TBC1D24: variants seen among roughly 807,000 people sequenced by gnomAD.
TBC1D24 encodes Infantile myoclonic epilepsy.
In TBC1D24, 47 loss-of-function variants were observed where a neutral mutation model predicts 50.7. That is an observed-to-expected ratio of 0.93 (90% CI 0.73 to 1.18). The LOEUF (loss-of-function observed/expected upper bound fraction) is 1.18, where lower values mean the gene tolerates loss of function less well. Among genes scored for constraint, TBC1D24 ranks in the 50% most tolerant of loss-of-function variants. The probability of loss-of-function intolerance (pLI) is 0.00; values close to 1 mark genes in which losing one functional copy is unlikely to be tolerated. For missense variants in TBC1D24, 688 were observed against 766.5 expected (o/e 0.90, Z 1.21); for synonymous variants, 324 against 335.2 (o/e 0.97, Z 0.36).
At chr16:2,476,302 G>A (rs935615588) in intron 1 of TBC1D24, among the ~76,000 whole-genome samples, 1 of 152,198 alleles carries the variant, frequency 6.6e-6, no homozygotes, top group Non-Finnish European at 1.5e-5. Context: ...TCCGCCCGAG[G>A]GCCAGGGCTC....
intron 1 of TBC1D24, among the ~76,000 whole-genome samples, chr16:2,489,465 C>T (rs896060244): frequency 6.6e-6 from 1 of 152,098 alleles, no homozygotes; most frequent in African/African-American, 2.4e-5. Context: ...AATAAATAAA[C>T]GAGCGAACAA....
At chr16:2,498,210 G>T in intron 3 of TBC1D24, 28 bp from the exon 4 acceptor site, 1 of 1,578,854 alleles carries the variant, frequency 6.3e-7, no homozygotes, top group Non-Finnish European at 8.6e-7. Context: ...CGTGCCTTCG[G>T]GCTCTGACCC....
In TBC1D24 at chr16:2,501,065, G is replaced by T; in HGVS notation, c.*107G>T. 2 of 1,463,412 alleles carry T rather than the reference G, an allele frequency of 1.4e-6. No individual in the cohort carries two copies. The highest frequency in any genetic ancestry group is 1.9e-6 in the Non-Finnish European group (2 of 1,077,872). 90.7% of individuals were successfully genotyped at this position (1,463,412 alleles called of 1,614,324 possible). On this transcript the variant is annotated 3_prime_UTR_variant, in exon 8 of 8. Transcript: ENST00000646147. ...AAACCCCCATGTGGTAGGCAGGGTTGGGGGACGGCAGGACCCCATGGCCAA... is the reference window on the plus strand; with the variant it reads ...AAACCCCCATGTGGTAGGCAGGGTTTGGGGACGGCAGGACCCCATGGCCAA...
At chr16:2,498,161 C>T in intron 3 of TBC1D24, 77 bp from the exon 4 acceptor site, 4 of 1,524,864 alleles carry the variant, frequency 2.6e-6, no homozygotes, top group Non-Finnish European at 3.5e-6. Flanking sequence ...TCCAAAGAGG[C>T]TCTGGGGCAT....
In TBC1D24 at chr16:2,498,293, G is replaced by A. The variant is rs371031447; in HGVS notation, c.1039G>A (p.Val347Met). Residue 347 changes from valine (V) to methionine (M), a missense_variant, in exon 4 of 8, where the codon GTG becomes ATG. By Grantham distance (21) the Val-to-Met change is conservative (BLOSUM62 1). Transcript: ENST00000646147. Reference sequence around the variant, plus strand: ...GAACTTCCGCTCGGAGATCGTCAGCGTGAGGGAGATGAGAGACATCTGGTC... The same window carrying A: ...GAACTTCCGCTCGGAGATCGTCAGCATGAGGGAGATGAGAGACATCTGGTC... ...AENFRSEIVS[V>M]REMRDIWSWV... 3.4e-5 allele frequency: 54 copies of A among 1,611,640 alleles called. No individual in the cohort carries two copies. Among genetic ancestry groups the A allele is most frequent in the African/African-American group, 9.3e-5 (7 of 74,902 alleles).
At chr16:2,488,904 CAA>C (rs1272998413) in intron 1 of TBC1D24, among the ~76,000 whole-genome samples, 6 of 97,644 alleles carry the variant, frequency 6.1e-5, no homozygotes, top group African/African-American at 1.1e-4. Flanking sequence ...ACTAAAAATA[CAA>C]AAAAAAAAAA....
Position 2,500,687 on chromosome 16 carries a change from C to G in TBC1D24, c.1526-117C>G. The G allele has an allele frequency of 1.4e-6, 2 of 1,418,590 alleles. No homozygotes were observed. The highest frequency in any genetic ancestry group is 2.7e-5 in the South Asian group (2 of 73,832). The allele number at this position is 1,418,590 out of a possible 1,614,324, so 87.9% of individuals were successfully genotyped here. ...GGTCCTGGGGGCTATGGAGGGTCAA[C>G]GGTCTGTGCGGTTTCAGAGAGGCCC... On this transcript the variant is annotated intron_variant, in intron 7 of 7. Transcript: ENST00000646147. This position sits in a 1 kb window ranked among gnomAD's most constrained non-coding sequence, Gnocchi z 8.0.
At chr16:2,476,368 A>G (rs974086649) in intron 1 of TBC1D24, among the ~76,000 whole-genome samples, 4 of 152,272 alleles carry the variant, frequency 2.6e-5, no homozygotes, top group African/African-American at 9.6e-5. Context: ...GGCGAAGACA[A>G]GCAGTCAGGT....
chr16:2,484,090 G>T (rs1330211927), intron 1 of TBC1D24: 2 of 152,146 alleles, frequency 1.3e-5, no homozygotes, highest in Non-Finnish European at 2.9e-5. Flanking sequence ...GAGGACCAGG[G>T]GGTGGCCACC....
At chr16:2,497,300 A>T (rs761088539) in intron 2 of TBC1D24, among the ~76,000 whole-genome samples, 187 bp downstream of exon 2, 15 of 152,248 alleles carry the variant, frequency 9.9e-5, no homozygotes, top group Admixed American at 2.6e-4. Context: ...GACGAGGGAC[A>T]TCGGGTCCTA....
chr16:2,490,573 G>A (rs1567408458), intron 1 of TBC1D24, among the ~76,000 whole-genome samples: 1 of 152,188 alleles, frequency 6.6e-6, no homozygotes, highest in South Asian at 2.1e-4. Flanking sequence ...TGTTCATGGG[G>A]TGTCACCCTT....
At chr16:2,489,534 C>T (rs1440788780) in intron 1 of TBC1D24, among the ~76,000 whole-genome samples, 1 of 152,140 alleles carries the variant, frequency 6.6e-6, no homozygotes, top group Non-Finnish European at 1.5e-5. Flanking sequence ...ACAGGCGTGG[C>T]GTTTATGAGG....
chr16:2,501,092 C>T lies in TBC1D24; in HGVS notation c.*134C>T, dbSNP rs776083218. ...GGGACGGCAGGACCCCATGGCCAAG[C>T]CTGGCGTTGCCTGGACCTGCTGCTG... On this transcript the variant is annotated 3_prime_UTR_variant, in exon 8 of 8. Transcript: ENST00000646147. The T allele has an allele frequency of 8.3e-5, 95 of 1,144,720 alleles. No homozygotes were observed. The highest frequency in any genetic ancestry group is 9.2e-5 in the Admixed American group (4 of 43,492). The allele number at this position is 1,144,720 out of a possible 1,614,324, so 70.9% of individuals were successfully genotyped here.
chr16:2,504,409 T>A lies in TBC1D24; in HGVS notation c.*3451T>A, dbSNP rs1341882014. Reference sequence around the variant, plus strand: ...AACTAAACCACAGGCCTATTGAGATTGTCCCTTTTTTTTTTTTTTTTTTTT... The same window carrying A: ...AACTAAACCACAGGCCTATTGAGATAGTCCCTTTTTTTTTTTTTTTTTTTT... On this transcript the variant is annotated 3_prime_UTR_variant, in exon 8 of 8. Transcript: ENST00000646147. 4.0e-5 allele frequency: 6 copies of A among 149,974 alleles called. No homozygotes were observed. Among genetic ancestry groups the A allele is most frequent in the Non-Finnish European group, 5.9e-5 (4 of 67,666 alleles). The allele number at this position is 149,974 out of a possible 1,614,324, so 9.3% of individuals were successfully genotyped here.
rs200058659 is a variant in TBC1D24 at position 2,496,310 on chromosome 16, G to A, written c.162G>A (p.Val54=). 16 of 1,613,536 alleles carry A rather than the reference G, an allele frequency of 9.9e-6. No individual in the cohort carries two copies. The highest frequency in any genetic ancestry group is 1.4e-5 in the Non-Finnish European group (16 of 1,180,038). Residue 54 remains valine (V), a synonymous_variant, in exon 2 of 8, where the codon GTG becomes GTA. Transcript: ENST00000646147. The part of the protein sequence containing the change: ...WAQSHALRGK[V]YQRLIRDIPC... ...AAAGCCACGCCCTGCGGGGAAAGGT[G>A]TACCAGCGCCTGATCCGGGACATTC...
rs1022172916 is a variant in TBC1D24 at position 2,489,207 on chromosome 16, G to A, written c.-115-6827G>A. Reference sequence around the variant, plus strand: ...AGCACTTTGGGAGGCTGAGGCGGGCGGATCACGAGGTCAGGAGTTCGAGAT... The same window carrying A: ...AGCACTTTGGGAGGCTGAGGCGGGCAGATCACGAGGTCAGGAGTTCGAGAT... On this transcript the variant is annotated intron_variant, in intron 1 of 7. Transcript: ENST00000646147. Among the ~76,000 whole-genome samples the A allele has an allele frequency of 2.7e-4, 41 of 152,036 alleles. 1 individual carries two copies. The highest frequency in any genetic ancestry group is 1.4e-3 in the Admixed American group (21 of 15,282).
intron 4 of TBC1D24, among the ~76,000 whole-genome samples, chr16:2,498,841 G>C (rs918902621): frequency 6.6e-6 from 1 of 152,230 alleles, no homozygotes; most frequent in African/African-American, 2.4e-5. Flanking sequence ...GGGAGCTCTG[G>C]GTTGGGCCTG....
chr16:2,499,348 C>G lies in TBC1D24; in HGVS notation c.1143-9C>G, dbSNP rs770299642. ...AGGGTGACAGCTGGCATGCGTGTCTCTACGCCAGGTTCTACTTCCAGTGTG... is the reference window on the plus strand; with the variant it reads ...AGGGTGACAGCTGGCATGCGTGTCTGTACGCCAGGTTCTACTTCCAGTGTG... On this transcript the variant is annotated splice_polypyrimidine_tract_variant and intron_variant, in intron 4 of 7. Transcript: ENST00000646147. This position sits in a 1 kb window ranked among gnomAD's most constrained non-coding sequence, Gnocchi z 4.0. The G allele has an allele frequency of 1.9e-6, 3 of 1,611,984 alleles. No individual in the cohort carries two copies. In the South Asian group the frequency reaches 3.3e-5, roughly 18 times the overall value.
In TBC1D24 at chr16:2,500,912, T is replaced by C. The variant is rs1216953647; in HGVS notation, c.1634T>C (p.Ile545Thr). 1 of 1,613,066 alleles carries C rather than the reference T, an allele frequency of 6.2e-7. No individual in the cohort carries two copies. Among genetic ancestry groups the C allele is most frequent in the Admixed American group, 1.7e-5 (1 of 60,024 alleles). Residue 545 changes from isoleucine (I) to threonine (T), a missense_variant, in exon 8 of 8, where the codon ATT (isoleucine) becomes ACT (threonine). By Grantham distance (89) the Ile-to-Thr change is moderately conservative. Coordinates refer to ENST00000646147, the MANE Select transcript of TBC1D24 (RefSeq NM_001199107.2). The surrounding 1 kb of genome is among the most constrained non-coding windows in gnomAD (Gnocchi z 8.0). ...NQPLCSENFL[I>T]AAVEAWGFQD... The stretch of plus-strand genomic sequence containing the variant: ...CCCCTCTGCTCCGAGAACTTCCTCA[T>C]TGCTGCCGTGGAGGCCTGGGGCTTC...
Sources: allele counts gnomAD v4.1 joint callset (sites outside exome capture counted in the v4.1 genomes callset), GRCh38; gene constraint gnomAD v4.1.1; non-coding constraint Gnocchi (gnomAD v3.1); transcripts MANE v1.5; gene names NCBI Gene and HGNC (gene_info 2026-07-23, HGNC 2026-07-21).